The following BIN1 variants were observed in gnomAD, a reference collection of about 807,000 sequenced individuals.
BIN1 encodes the protein bridging integrator 1.
In BIN1, 53 loss-of-function variants were observed where a neutral mutation model predicts 82.0. The ratio of observed to expected loss-of-function variants is 0.65; its 90% CI spans 0.52 to 0.81. The LOEUF is 0.81. BIN1 is among the 40% of genes least tolerant of loss of function. The pLI, the probability that BIN1 is intolerant of heterozygous loss-of-function variation, is 0.00. For synonymous variants in BIN1, 302 were observed against 328.0 expected, an observed-to-expected ratio of 0.92 and a Z score of 0.86; for missense variants, 642 against 784.4, an observed-to-expected ratio of 0.82 and a Z score of 2.17.
chr2:127,098,807 C>A (rs1235444780), intron 1 of BIN1, among the ~76,000 whole-genome samples: 3 of 152,260 alleles, frequency 2.0e-5, no homozygotes, highest in Non-Finnish European at 2.9e-5. Flanking sequence ...ATAGGACAGG[C>A]CCCTGCAGAG....
chr2:127,088,792 C>T (rs561088382), intron 1 of BIN1, among the ~76,000 whole-genome samples: 23 of 151,008 alleles, frequency 1.5e-4, no homozygotes, highest in African/African-American at 2.2e-4. Flanking sequence ...GGGGAGAGGG[C>T]GGCTGCTCTT....
chr2:127,065,774 G>A (rs1308816455), intron 7 of BIN1, among the ~76,000 whole-genome samples: 2 of 152,210 alleles, frequency 1.3e-5, no homozygotes, highest in Non-Finnish European at 2.9e-5. Context: ...GCTCAGCAAC[G>A]CTGCCGAGAG....
intron 1 of BIN1, chr2:127,081,873 C>T (rs940172130): frequency 1.9e-5 from 24 of 1,286,652 alleles, no homozygotes; most frequent in African/African-American, 4.6e-5. Context: ...ACAGGAAGGG[C>T]GGGCTGAGAA....
chr2:127,106,206 G>T (rs1038090119), intron 1 of BIN1, among the ~76,000 whole-genome samples: 1 of 152,144 alleles, frequency 6.6e-6, no homozygotes, highest in Non-Finnish European at 1.5e-5. Context: ...GCTGGGGCGA[G>T]GGCACCTCCT....
At chr2:127,077,247 G>A (rs937321467) in intron 1 of BIN1, among the ~76,000 whole-genome samples, 4 of 152,044 alleles carry the variant, frequency 2.6e-5, no homozygotes, top group African/African-American at 7.2e-5. Flanking sequence ...CGGGGGCCAC[G>A]CAGAGTCTGC....
intron 18 of BIN1, 53 bp from the exon 19 acceptor site, chr2:127,048,686 C>T: frequency 6.5e-7 from 1 of 1,549,912 alleles, no homozygotes; most frequent in South Asian, 1.1e-5. Context: ...CTCCACCCCA[C>T]AGGGCACGCA....
chr2:127,100,748 T>C (rs528833381), intron 1 of BIN1, among the ~76,000 whole-genome samples: 2 of 152,106 alleles, frequency 1.3e-5, no homozygotes, highest in African/African-American at 4.8e-5. Flanking sequence ...GCGGCCTCTT[T>C]AGGAGGTGGC....
chr2:127,070,008 A>G lies in BIN1; in HGVS notation c.398T>C (p.Phe133Ser). 6.2e-7 allele frequency: 1 copy of G among 1,614,104 alleles called. No individual in the cohort carries two copies. The highest frequency in any genetic ancestry group is 8.5e-7 in the Non-Finnish European group (1 of 1,179,960). ...LLTMDTYLGQ[F>S]PDIKSRIAKR... ...TGGGTCTCTCACCTTGATGTCGGGGAACTGGCCCAGGTACGTGTCCATGGT... is the reference window on the plus strand; with the variant it reads ...TGGGTCTCTCACCTTGATGTCGGGGGACTGGCCCAGGTACGTGTCCATGGT... The change falls in exon 5 of 19, where the codon TTC becomes TCC. Residue 133 changes from phenylalanine (F) to serine (S), a missense_variant. Physicochemically the swap from Phe to Ser is radical, Grantham distance 155. Transcript: ENST00000316724.
rs1215800992 is a variant in BIN1, at chr2:127,082,873, A to G, written c.85-6167T>C. Among the ~76,000 whole-genome samples, 1 of 151,762 alleles carries G rather than the reference A, an allele frequency of 6.6e-6. No homozygotes were observed. The highest frequency in any genetic ancestry group is 2.4e-5 in the African/African-American group (1 of 41,280). ...ATCTAGGTGCCATGCAGGAGGCCACAGCAGCCCTGACGAGAGAGCAGAGGG... is the reference window on the plus strand; with the variant it reads ...ATCTAGGTGCCATGCAGGAGGCCACGGCAGCCCTGACGAGAGAGCAGAGGG... On this transcript the variant is annotated intron_variant, in intron 1 of 18. Transcript: ENST00000316724. The surrounding 1 kb of genome is among the most constrained non-coding windows in gnomAD (Gnocchi z 6.1).
At chr2:127,102,632 G>C (rs1680498874) in intron 1 of BIN1, among the ~76,000 whole-genome samples, 1 of 152,216 alleles carries the variant, frequency 6.6e-6, no homozygotes. Flanking sequence ...GCATGAGCCA[G>C]AAGGCTGTAC....
At chr2:127,054,108 G>T in intron 12 of BIN1, 96 bp from the exon 13 acceptor site, 8 of 974,566 alleles carry the variant, frequency 8.2e-6, no homozygotes, top group Non-Finnish European at 1.3e-5. Flanking sequence ...CACACGCGTG[G>T]ACACACACAC....
Position 127,063,567 on chromosome 2 carries a change from C to A in BIN1, c.774+4G>T. ...GGCCCCTCAGAGGGGTCCCCATGGC[C>A]TACCTTGCTCATCTCCTTGTGGAAG... On this transcript the variant is annotated splice_donor_region_variant and intron_variant, in intron 9 of 18. Transcript: ENST00000316724. 1 of 1,613,816 alleles carries A rather than the reference C, an allele frequency of 6.2e-7. No individual in the cohort carries two copies. The highest frequency in any genetic ancestry group is 1.1e-5 in the South Asian group (1 of 90,974).
At chr2:127,080,262 C>T (rs996457957) in intron 1 of BIN1, among the ~76,000 whole-genome samples, 1 of 152,262 alleles carries the variant, frequency 6.6e-6, no homozygotes, top group African/African-American at 2.4e-5. Flanking sequence ...TCTCCCACCC[C>T]ATCCGTTCCA....
In BIN1 at chr2:127,101,004, G is replaced by GC. The variant is rs1553487459; in HGVS notation, c.84+5855_84+5856insG. ...TGCCCAAGGGTAGGAATGTGCGGGG[G>GC]GTGGGGATAGACTCAAACTCAGCTG... On this transcript the variant is annotated intron_variant, in intron 1 of 18. Transcript: ENST00000316724. Among the ~76,000 whole-genome samples the GC allele has an allele frequency of 2.5e-4, 34 of 137,656 alleles. 1 individual carries two copies. The highest frequency in any genetic ancestry group is 1.7e-3 in the East Asian group (8 of 4,798). The allele number at this position is 137,656 out of a possible 152,430, so 90.3% of individuals were successfully genotyped here.
At position 127,076,883 on chromosome 2, in the gene BIN1, T is replaced by C. The variant is rs7562227; in HGVS notation, c.85-177A>G. On this transcript the variant is annotated intron_variant, in intron 1 of 18. Coordinates refer to ENST00000316724, the MANE Select transcript of BIN1 (RefSeq NM_139343.3). ...CAGGGCATGGCTGGGTCCATCAGGT[T>C]TTCAGGCCTCCCCACCCTCTACCCA... 0.58 allele frequency among the ~76,000 whole-genome samples: 88,332 copies of C among 151,752 alleles called. 27,053 individuals carry two copies. The highest frequency in any genetic ancestry group is 0.78 in the African/African-American group (32,110 of 41,406).
chr2:127,106,711 C>T (rs1433628721), intron 1 of BIN1, 149 bp downstream of exon 1: 2 of 973,288 alleles, frequency 2.1e-6, no homozygotes, highest in Non-Finnish European at 3.0e-6. Flanking sequence ...GCCTGGGGAC[C>T]TCGAAGCCCC....
chr2:127,105,156 G>A (rs1211362614), intron 1 of BIN1, among the ~76,000 whole-genome samples: 1 of 152,204 alleles, frequency 6.6e-6, no homozygotes, highest in African/African-American at 2.4e-5. Flanking sequence ...TGACATCAAA[G>A]ATGCTGCTGC....
Position 127,097,639 on chromosome 2 carries a change from CCTT to C in BIN1, c.84+9218_84+9220del, listed in dbSNP as rs1167547520. Among the ~76,000 whole-genome samples the C allele has an allele frequency of 7.9e-5, 12 of 152,344 alleles. No homozygotes were observed. In the South Asian group the frequency reaches 1.7e-3, roughly 21 times the overall value. On this transcript the variant is annotated intron_variant, in intron 1 of 18. Transcript: ENST00000316724. ...GGATTCTAATCTGGCCCAGGCCACT[CCTT>C]CTGGAGACTCCAGGCTCATCCCCTC...
At chr2:127,060,522 G>T in intron 10 of BIN1, 1 of 1,600,794 alleles carries the variant, frequency 6.2e-7, no homozygotes, top group Non-Finnish European at 8.6e-7. Context: ...CCTGGGAGCA[G>T]GGCGCAAGGC....
Sources: gnomAD v4.1 joint callset for allele counts (sites outside exome capture counted in the v4.1 genomes callset) on GRCh38, gnomAD v4.1.1 for gene constraint, Gnocchi (gnomAD v3.1) non-coding constraint, MANE v1.5 for transcripts, NCBI Gene and HGNC (gene_info 2026-07-23, HGNC 2026-07-21) for gene names.